CA10: variants seen among roughly 807,000 people sequenced by gnomAD.
CA10 encodes carbonic anhydrase-related protein 10.
Under a neutral mutation model 44.2 loss-of-function variants are expected in CA10, and 14 were observed. The observed-to-expected ratio is 0.32, with a 90% confidence interval of 0.21 to 0.50. The LOEUF (loss-of-function observed/expected upper bound fraction) is 0.50. Ranked by LOEUF, CA10 falls within the 20% of genes least tolerant of loss-of-function variation. CA10 has a pLI of 0.99. For synonymous variants in CA10, 159 were observed against 141.6 expected (o/e 1.12, Z -0.87); for missense variants, 350 against 409.7 (o/e 0.85, Z 1.26).
intron 2 of CA10, among the ~76,000 whole-genome samples, chr17:51,991,086 A>C (rs563534052): frequency 7.2e-5 from 11 of 152,262 alleles, no homozygotes; most frequent in Admixed American, 6.5e-4. Flanking sequence ...CTAGATAAAC[A>C]CTATGAATCT....
intron 3 of CA10, among the ~76,000 whole-genome samples, chr17:51,774,707 G>T (rs1378815081): frequency 6.6e-6 from 1 of 152,104 alleles, no homozygotes; most frequent in Non-Finnish European, 1.5e-5. Flanking sequence ...GCCTCCTGAA[G>T]TACTGGGATT....
chr17:51,723,373 G>A (rs1271195393), intron 4 of CA10, among the ~76,000 whole-genome samples: 1 of 152,148 alleles, frequency 6.6e-6, no homozygotes, highest in African/African-American at 2.4e-5. Flanking sequence ...GAAGCCAAAA[G>A]GTTCAAGAAA....
At chr17:51,723,743 C>T (rs766271219) in intron 4 of CA10, among the ~76,000 whole-genome samples, 77 of 152,224 alleles carry the variant, frequency 5.1e-4, no homozygotes, top group Non-Finnish European at 1.0e-3. Flanking sequence ...CAGAATCCTT[C>T]ATGTCTGCTG....
At chr17:51,663,260 G>GA (rs149572724) in intron 4 of CA10, among the ~76,000 whole-genome samples, 151,037 of 151,038 alleles carry the variant, frequency 1, 75,518 homozygotes, top group Middle Eastern at 1. Context: ...TCCTTCCCCA[G>GA]GCCTTCGCAT....
At chr17:51,710,941 TTTTG>T (rs1215541705) in intron 4 of CA10, among the ~76,000 whole-genome samples, 76 of 147,990 alleles carry the variant, frequency 5.1e-4, no homozygotes, top group African/African-American at 1.8e-3. Flanking sequence ...TTTTTTTTTT[TTTTG>T]CTTCACTGAC....
intron 2 of CA10, among the ~76,000 whole-genome samples, chr17:51,974,385 TTAA>T (rs1567905784): frequency 5.3e-5 from 2 of 37,946 alleles, no homozygotes; most frequent in East Asian, 2.8e-3. Context: ...TCCATCTCAT[TTAA>T]AAAAAAAAAA....
At chr17:51,734,762 G>A (rs1916841910) in intron 4 of CA10, among the ~76,000 whole-genome samples, 1 of 152,178 alleles carries the variant, frequency 6.6e-6, no homozygotes. Flanking sequence ...ACTGTCTTCT[G>A]CAGGCCTGAG....
At chr17:51,837,042 T>C (rs1205284930) in intron 3 of CA10, among the ~76,000 whole-genome samples, 2 of 151,476 alleles carry the variant, frequency 1.3e-5, no homozygotes, top group Non-Finnish European at 2.9e-5. Flanking sequence ...TATAATGCCA[T>C]AAGAAACAAT....
At chr17:51,698,488 A>G (rs1915476740) in intron 4 of CA10, among the ~76,000 whole-genome samples, 1 of 152,238 alleles carries the variant, frequency 6.6e-6, no homozygotes, top group South Asian at 2.1e-4. Context: ...ACTTTTTAAT[A>G]TTTGTAGACA....
intron 3 of CA10, among the ~76,000 whole-genome samples, chr17:51,801,691 T>A (rs1224879967): frequency 1.3e-5 from 2 of 152,192 alleles, no homozygotes; most frequent in Non-Finnish European, 2.9e-5. Flanking sequence ...TGGCATTTTG[T>A]TCTGGATGAT....
At chr17:51,978,361 C>G (rs1276448859) in intron 2 of CA10, among the ~76,000 whole-genome samples, 1 of 150,582 alleles carries the variant, frequency 6.6e-6, no homozygotes, top group East Asian at 1.9e-4. Context: ...CTTACATACT[C>G]ATATCTGTGT....
At chr17:51,900,480 T>C (rs1981265746) in intron 3 of CA10, among the ~76,000 whole-genome samples, 1 of 152,142 alleles carries the variant, frequency 6.6e-6, no homozygotes, top group Non-Finnish European at 1.5e-5. Flanking sequence ...CATTTCAACC[T>C]TGGAGAATCA....
At chr17:52,021,130 A>T (rs1986127677) in intron 2 of CA10, among the ~76,000 whole-genome samples, 1 of 152,108 alleles carries the variant, frequency 6.6e-6, no homozygotes, top group Non-Finnish European at 1.5e-5. Flanking sequence ...GTTGAATAAA[A>T]GTTATGGAAG....
chr17:51,754,048 T>C (rs973027089), intron 3 of CA10, among the ~76,000 whole-genome samples: 14 of 152,052 alleles, frequency 9.2e-5, no homozygotes, highest in African/African-American at 3.1e-4. Flanking sequence ...TTCACCATGT[T>C]GGCCAGGCTG....
chr17:51,905,902 C>G (rs1368549506), intron 3 of CA10, among the ~76,000 whole-genome samples: 1 of 152,068 alleles, frequency 6.6e-6, no homozygotes, highest in Non-Finnish European at 1.5e-5. Context: ...ACAACCAAAC[C>G]TACTTCCCCA....
intron 3 of CA10, among the ~76,000 whole-genome samples, chr17:51,839,232 C>G (rs976904926): frequency 1.3e-5 from 2 of 152,152 alleles, no homozygotes; most frequent in African/African-American, 4.8e-5. Context: ...GTGGCTCATG[C>G]CTGTAATCCC....
At chr17:51,915,182 C>A (rs1354087383) in intron 3 of CA10, among the ~76,000 whole-genome samples, 1 of 152,160 alleles carries the variant, frequency 6.6e-6, no homozygotes, top group Non-Finnish European at 1.5e-5. Flanking sequence ...TTATGCACAT[C>A]TTATGCCTCA....
At chr17:51,823,714 T>C (rs1044900753) in intron 3 of CA10, among the ~76,000 whole-genome samples, 1 of 152,220 alleles carries the variant, frequency 6.6e-6, no homozygotes, top group Non-Finnish European at 1.5e-5. Flanking sequence ...GGTAGAATTG[T>C]TAGAACTGCC....
At chr17:51,696,725 T>C (rs1435892606) in intron 4 of CA10, among the ~76,000 whole-genome samples, 1 of 152,186 alleles carries the variant, frequency 6.6e-6, no homozygotes, top group African/African-American at 2.4e-5. Context: ...TGTTTAGCAC[T>C]ATAAACTGTC....
Sources: gnomAD v4.1 joint callset for allele counts (sites outside exome capture counted in the v4.1 genomes callset) on GRCh38, gnomAD v4.1.1 for gene constraint, MANE v1.5 for transcripts, NCBI Gene and HGNC (gene_info 2026-07-23, HGNC 2026-07-21) for gene names.